TAF5: variants seen among roughly 807,000 people sequenced by gnomAD.
The protein encoded by TAF5 is transcription initiation factor TFIID subunit 5.
TAF5 carries 20 observed loss-of-function variants against 80.9 expected under a neutral mutation model. The observed-to-expected ratio is 0.25, with a 90% confidence interval of 0.17 to 0.36. The LOEUF is 0.36. Ranked by LOEUF, TAF5 falls within the 10% of genes least tolerant of loss-of-function variation. The probability of loss-of-function intolerance (pLI) is 1.00; values close to 1 mark genes in which losing one functional copy is unlikely to be tolerated. For missense variants in TAF5, 863 were observed against 1,029.4 expected, an observed-to-expected ratio of 0.84 and a Z score of 2.21; for synonymous variants, 388 against 406.4, an observed-to-expected ratio of 0.95 and a Z score of 0.55.
chr10:103,376,177 C>T (rs1255143746), intron 2 of TAF5, among the ~76,000 whole-genome samples: 6 of 151,714 alleles, frequency 4.0e-5, no homozygotes, highest in African/African-American at 1.2e-4. Flanking sequence ...CTGCAACCTC[C>T]GCCTCCTAGG....
Position 103,368,458 on chromosome 10 carries a change from G to A in TAF5, c.469G>A (p.Gly157Ser), listed in dbSNP as rs756301238. Reference sequence around the variant, plus strand: ...CAGCCGGGTGACCGCCTCGGCCCCTGGCCCTGCGGCCCCCGACCCTCCGGG... The same window carrying A: ...CAGCCGGGTGACCGCCTCGGCCCCTAGCCCTGCGGCCCCCGACCCTCCGGG... The part of the protein sequence containing the change: ...LLSRVTASAP[G>S]PAAPDPPGTG... The change falls in exon 1 of 11, where the codon GGC becomes AGC. Residue 157 changes from glycine to serine, a missense_variant. Gly to Ser is a moderately conservative substitution (Grantham distance 56). Around this residue, in one of 3 missense-constraint regions of TAF5, gnomAD observed 367 missense variants for 335.5 expected, o/e 1.09. Coordinates refer to ENST00000369839, the MANE Select transcript of TAF5 (RefSeq NM_006951.5). 1.5e-5 allele frequency: 23 copies of A among 1,582,742 alleles called. No individual in the cohort carries two copies. The African/African-American group carries it at 2.8e-4, about 20-fold the overall frequency.
intron 6 of TAF5, among the ~76,000 whole-genome samples, chr10:103,382,497 T>G (rs962471395): frequency 6.6e-6 from 1 of 151,990 alleles, no homozygotes; most frequent in African/African-American, 2.4e-5. Flanking sequence ...GTGCTGGAAT[T>G]ATAGGTGGCT....
At chr10:103,372,239 T>C (rs1014662635) in intron 1 of TAF5, among the ~76,000 whole-genome samples, 1 of 151,234 alleles carries the variant, frequency 6.6e-6, no homozygotes, top group Admixed American at 6.6e-5. Flanking sequence ...TGGCCTGTTA[T>C]TGTTATCTTA....
chr10:103,382,812 A>C (rs2093386054), intron 6 of TAF5, among the ~76,000 whole-genome samples: 1 of 151,354 alleles, frequency 6.6e-6, no homozygotes, highest in Non-Finnish European at 1.5e-5. Context: ...CACACTGGCT[A>C]ATTTTTTATT....
rs866160012 is a variant in TAF5 at position 103,368,251 on chromosome 10, G to A, written c.262G>A (p.Ala88Thr). 1 of 1,508,104 alleles carries A rather than the reference G, an allele frequency of 6.6e-7. No individual in the cohort carries two copies. Among genetic ancestry groups the A allele is most frequent in the Non-Finnish European group, 8.8e-7 (1 of 1,133,780 alleles). 93.4% of individuals were successfully genotyped at this position (1,508,104 alleles called of 1,614,324 possible). A position where few individuals can be genotyped will look rare whatever the true frequency, so the allele number is the denominator to read the frequency against. The change falls in exon 1 of 11, where the codon GCC becomes ACC. Residue 88 changes from alanine (A) to threonine (T), a missense_variant. Physicochemically the swap from Ala to Thr is moderately conservative, Grantham distance 58 (BLOSUM62 0). This residue lies in a region of TAF5 where 367 missense variants were observed against 335.5 expected (regional missense o/e 1.09). Coordinates refer to ENST00000369839, the MANE Select transcript of TAF5 (RefSeq NM_006951.5). ...CCCGGTGCCCGCCGCTGCTCCGGAC[G>A]CCGGCGCTCCGCATGACCGACAGAC... is the stretch of plus-strand genomic sequence containing the variant. ...AAPVPAAAPDAGAPHDRQTLL... is the reference protein window; with the variant it reads ...AAPVPAAAPDTGAPHDRQTLL...
At chr10:103,386,445 A>C (rs1201756602) in intron 8 of TAF5, among the ~76,000 whole-genome samples, 1 of 152,166 alleles carries the variant, frequency 6.6e-6, no homozygotes, top group Non-Finnish European at 1.5e-5. Flanking sequence ...CTCAAAACAA[A>C]ACAACTATTT....
rs1307736483 is a variant in TAF5 at position 103,374,089 on chromosome 10, T to C, written c.797+494T>C. Among the ~76,000 whole-genome samples, 1 of 152,108 alleles carries C rather than the reference T, an allele frequency of 6.6e-6. No homozygotes were observed. The highest frequency in any genetic ancestry group is 2.4e-5 in the African/African-American group (1 of 41,426). On this transcript the variant is annotated intron_variant, in intron 2 of 10. Coordinates refer to ENST00000369839, the MANE Select transcript of TAF5 (RefSeq NM_006951.5). The surrounding 1 kb of genome is among the most constrained non-coding windows in gnomAD (Gnocchi z 4.3). ...CCATGTTGAGGGTCTTTGTTTATCC[T>C]AAGAGCAGTAGGGAGTTGTATTGGA...
chr10:103,386,585 A>G (rs12414443), intron 8 of TAF5, among the ~76,000 whole-genome samples: 60,854 of 151,818 alleles, frequency 0.4, 13,075 homozygotes, highest in South Asian at 0.64. Context: ...CTATAGTCCC[A>G]GCTACTGGGG....
At chr10:103,369,253 A>G (rs2093353355) in intron 1 of TAF5, among the ~76,000 whole-genome samples, 1 of 152,122 alleles carries the variant, frequency 6.6e-6, no homozygotes, top group Admixed American at 6.6e-5. Flanking sequence ...TGCTGGGATT[A>G]CAGGCGTGAG....
chr10:103,372,579 C>CT (rs2093362079), intron 1 of TAF5, among the ~76,000 whole-genome samples: 1 of 150,842 alleles, frequency 6.6e-6, no homozygotes, highest in South Asian at 2.1e-4. Flanking sequence ...CGTGATCCAC[C>CT]TGTCTCAGCC....
In TAF5 at chr10:103,387,315, T is replaced by C. The variant is rs756170750; in HGVS notation, c.1970T>C (p.Leu657Pro). ...ADRTVRLWDVLNGNCVRIFTG... is the reference protein window; with the variant it reads ...ADRTVRLWDVPNGNCVRIFTG... ...AGAACTGTGCGGCTCTGGGACGTCC[T>C]GAATGGTAACTGTGTAAGGATCTTC... Residue 657 changes from leucine (L) to proline (P), a missense_variant, in exon 9 of 11, where the codon CTG becomes CCG. By Grantham distance (98) the Leu-to-Pro change is moderately conservative. Transcript: ENST00000369839. 1 of 1,614,152 alleles carries C rather than the reference T, an allele frequency of 6.2e-7. No homozygotes were observed. Among genetic ancestry groups the C allele is most frequent in the South Asian group, 1.1e-5 (1 of 91,076 alleles).
intron 5 of TAF5, among the ~76,000 whole-genome samples, chr10:103,380,492 G>C (rs1350494474): frequency 6.6e-6 from 1 of 152,160 alleles, no homozygotes; most frequent in East Asian, 1.9e-4. Context: ...GCACAGAATA[G>C]ATAGAAGTCA....
chr10:103,376,292 T>C (rs1337431887), intron 2 of TAF5, among the ~76,000 whole-genome samples: 1 of 151,940 alleles, frequency 6.6e-6, no homozygotes, highest in Admixed American at 6.6e-5. Context: ...GGTTTCTTCA[T>C]GTTGGTCAGG....
chr10:103,380,470 G>C lies in TAF5; in HGVS notation c.1413+451G>C, dbSNP rs929037858. ...TTTAAAGACAGCATTCAGGAAGAGAGAATTGGATACTGCACAGAATAGATA... is the reference window on the plus strand; with the variant it reads ...TTTAAAGACAGCATTCAGGAAGAGACAATTGGATACTGCACAGAATAGATA... On this transcript the variant is annotated intron_variant, in intron 5 of 10. Transcript: ENST00000369839. Among the ~76,000 whole-genome samples the C allele has an allele frequency of 2.6e-5, 4 of 152,248 alleles. No individual in the cohort carries two copies. The East Asian group carries it at 5.8e-4, about 22-fold the overall frequency.
chr10:103,385,293 G>T, intron 7 of TAF5, 33 bp from the exon 8 acceptor site: 1 of 1,579,570 alleles, frequency 6.3e-7, no homozygotes, highest in South Asian at 1.1e-5. Flanking sequence ...AGGTTACTCT[G>T]GGAGTCAAAT....
At chr10:103,370,384 G>T (rs2133621907) in intron 1 of TAF5, among the ~76,000 whole-genome samples, 1 of 139,572 alleles carries the variant, frequency 7.2e-6, no homozygotes, top group South Asian at 2.4e-4. Flanking sequence ...GGAGTGCAGT[G>T]GTGTGATCTT....
chr10:103,372,258 G>C (rs1002531734), intron 1 of TAF5, among the ~76,000 whole-genome samples: 2 of 151,250 alleles, frequency 1.3e-5, no homozygotes. Context: ...TAAGATATGG[G>C]TGTGCTGATG....
In TAF5 at chr10:103,378,258, A is replaced by G. The variant is rs1232856950; in HGVS notation, c.821A>G (p.Tyr274Cys). 1 of 1,613,860 alleles carries G rather than the reference A, an allele frequency of 6.2e-7. No individual in the cohort carries two copies. The highest frequency in any genetic ancestry group is 8.5e-7 in the Non-Finnish European group (1 of 1,179,902). ...FEKFHGDQECYYQDDLRVLSS... is the reference protein window; with the variant it reads ...FEKFHGDQECCYQDDLRVLSS... The stretch of plus-strand genomic sequence containing the variant: ...AGGTTCCATGGAGATCAGGAATGTT[A>G]TTACCAGGATGACCTACGAGTATTA... The change falls in exon 3 of 11, where the codon TAT (tyrosine) becomes TGT (cysteine). Residue 274 changes from tyrosine (Y) to cysteine (C), a missense_variant. Coordinates refer to ENST00000369839, the MANE Select transcript of TAF5 (RefSeq NM_006951.5). This position sits in a 1 kb window ranked among gnomAD's most constrained non-coding sequence, Gnocchi z 4.1.
At chr10:103,381,571 T>C (rs1221447032) in intron 5 of TAF5, 150 bp from the exon 6 acceptor site, 4 of 953,796 alleles carry the variant, frequency 4.2e-6, no homozygotes, top group Non-Finnish European at 6.1e-6. Flanking sequence ...TTGGCCAATA[T>C]TTTAAATCAA....
Sources: allele counts gnomAD v4.1 joint callset (sites outside exome capture counted in the v4.1 genomes callset), GRCh38; gene constraint gnomAD v4.1.1; regional missense constraint gnomAD v4.1.1; non-coding constraint Gnocchi (gnomAD v3.1); transcripts MANE v1.5; gene names NCBI Gene and HGNC (gene_info 2026-07-23, HGNC 2026-07-21).